ZFHX3: variants seen among roughly 807,000 people sequenced by gnomAD.
The protein encoded by ZFHX3 is zinc finger homeobox 3, also known as zinc finger homeobox protein 3.
A neutral mutation model predicts 279.1 loss-of-function variants in ZFHX3; 42 were observed. The observed-to-expected ratio is 0.15, with a 90% CI of 0.12 to 0.19. The LOEUF (loss-of-function observed/expected upper bound fraction) is 0.19, where lower values mean the gene tolerates loss of function less well. Among genes scored for constraint, ZFHX3 ranks in the 10% least tolerant of loss-of-function variants. The probability of loss-of-function intolerance (pLI) is 1.00; values close to 1 mark genes in which losing one functional copy is unlikely to be tolerated. For synonymous variants in ZFHX3, 2,293 were observed against 1,957.8 expected (o/e 1.17, Z -4.52); for missense variants, 4,981 against 4,754.0 (o/e 1.05, Z -1.40).
chr16:73,771,177 G>C (rs1046188721), intron 1 of ZFHX3, among the ~76,000 whole-genome samples: 1 of 152,174 alleles, frequency 6.6e-6, no homozygotes, highest in Non-Finnish European at 1.5e-5. Flanking sequence ...AAACAGGCAA[G>C]GGGTGAATTC....
intron 6 of ZFHX3, among the ~76,000 whole-genome samples, chr16:73,142,083 G>A (rs1966849074): frequency 6.6e-6 from 1 of 152,134 alleles, no homozygotes; most frequent in Non-Finnish European, 1.5e-5. Flanking sequence ...CACCTCCAGA[G>A]CATTAGCTCA....
chr16:72,874,292 C>T (rs928077002), intron 4 of ZFHX3, among the ~76,000 whole-genome samples: 11 of 148,402 alleles, frequency 7.4e-5, no homozygotes, highest in African/African-American at 1.8e-4. Flanking sequence ...CTGCAAACTC[C>T]GCCTCCCGGG....
intron 5 of ZFHX3, among the ~76,000 whole-genome samples, chr16:73,191,888 G>A (rs570446368): frequency 2.0e-5 from 3 of 152,162 alleles, no homozygotes; most frequent in African/African-American, 7.2e-5. Context: ...GTGCAAACAC[G>A]CTTTAGTGGA....
intron 3 of ZFHX3, among the ~76,000 whole-genome samples, chr16:72,923,182 G>A (rs1437263414): frequency 6.6e-6 from 1 of 152,140 alleles, no homozygotes; most frequent in African/African-American, 2.4e-5. Flanking sequence ...GCTCATGCCT[G>A]TAATCCTAGC....
intron 4 of ZFHX3, among the ~76,000 whole-genome samples, chr16:73,305,873 G>T (rs998524897): frequency 6.6e-6 from 1 of 152,174 alleles, no homozygotes; most frequent in Admixed American, 6.5e-5. Context: ...GGCAGGAAAA[G>T]CACATAGGCC....
chr16:73,650,874 G>C (rs958295480), intron 2 of ZFHX3, among the ~76,000 whole-genome samples: 3 of 152,090 alleles, frequency 2.0e-5, no homozygotes, highest in Non-Finnish European at 4.4e-5. Context: ...AAAAAGAAAT[G>C]CAAGTATGTT....
At chr16:73,633,931 T>G (rs1289144062) in intron 2 of ZFHX3, among the ~76,000 whole-genome samples, 1 of 151,474 alleles carries the variant, frequency 6.6e-6, no homozygotes, top group Admixed American at 6.6e-5. Flanking sequence ...AGCAGTGATG[T>G]TTGGCAAAGT....
At chr16:72,864,436 CTCT>C (rs2037963529) in intron 4 of ZFHX3, among the ~76,000 whole-genome samples, 2 of 148,632 alleles carry the variant, frequency 1.3e-5, no homozygotes, top group Non-Finnish European at 3.0e-5. Flanking sequence ...GCGTCGTGCT[CTCT>C]TGTCTTTGTA....
At chr16:73,788,820 A>G (rs1959737852) in intron 1 of ZFHX3, among the ~76,000 whole-genome samples, 1 of 151,424 alleles carries the variant, frequency 6.6e-6, no homozygotes, top group Admixed American at 6.6e-5. Context: ...TAAAAATGCA[A>G]AAAATTAGCT....
At chr16:73,587,681 A>G (rs1372071810) in intron 2 of ZFHX3, among the ~76,000 whole-genome samples, 7 of 152,216 alleles carry the variant, frequency 4.6e-5, no homozygotes, top group African/African-American at 1.7e-4. Flanking sequence ...GCACTTTCCA[A>G]TAAAGAAAAC....
chr16:72,784,311 T>A lies in ZFHX3; in HGVS notation c.*2853A>T. The A allele has an allele frequency of 7.0e-6, 1 of 143,048 alleles. No individual in the cohort carries two copies. Among genetic ancestry groups the A allele is most frequent in the South Asian group, 2.3e-4 (1 of 4,408 alleles). 8.9% of individuals were successfully genotyped at this position (143,048 alleles called of 1,614,324 possible). The stretch of plus-strand genomic sequence containing the variant: ...AACCATCAGGGAGGGGGCAGCAAAA[T>A]TATAAAGAAAAGAACTTAAAAGTTG... On this transcript the variant is annotated 3_prime_UTR_variant, in exon 10 of 10. Coordinates refer to ENST00000268489, the MANE Select transcript of ZFHX3 (RefSeq NM_006885.4).
intron 3 of ZFHX3, among the ~76,000 whole-genome samples, chr16:72,925,496 G>A (rs895051314): frequency 2.6e-5 from 4 of 152,222 alleles, no homozygotes; most frequent in Non-Finnish European, 4.4e-5. Flanking sequence ...CCCAACCACC[G>A]CAGCAATGCT....
intron 2 of ZFHX3, among the ~76,000 whole-genome samples, chr16:73,547,558 TG>T (rs35159047): frequency 3.9e-5 from 6 of 152,010 alleles, no homozygotes; most frequent in Admixed American, 6.6e-5. Context: ...CAACCATGGA[TG>T]GGGGGGTTTG....
rs569597577 is a variant in ZFHX3 at position 73,054,024 on chromosome 16, G to T, written c.-24+4506C>A. On this transcript the variant is annotated intron_variant, in intron 1 of 8. Coordinates refer to the ZFHX3 transcript ENST00000397992. ...TGACAGTTACCATGGAGGGAGGGGGGAGGAAAGGGGCTGAAGGGAAGATGA... is the reference window on the plus strand; with the variant it reads ...TGACAGTTACCATGGAGGGAGGGGGTAGGAAAGGGGCTGAAGGGAAGATGA... Among the ~76,000 whole-genome samples the T allele has an allele frequency of 1.4e-4, 21 of 150,632 alleles. No homozygotes were observed. In the East Asian group the frequency reaches 4.2e-3, roughly 30 times the overall value.
At chr16:73,699,671 A>C (rs956538506) in intron 1 of ZFHX3, among the ~76,000 whole-genome samples, 2 of 152,182 alleles carry the variant, frequency 1.3e-5, no homozygotes, top group African/African-American at 4.8e-5. Flanking sequence ...AACCCTATGA[A>C]GCTGACACTG....
At chr16:73,142,100 G>A (rs890421761) in intron 6 of ZFHX3, among the ~76,000 whole-genome samples, 13 of 152,064 alleles carry the variant, frequency 8.5e-5, no homozygotes, top group African/African-American at 2.4e-4. Context: ...CTCAAACATG[G>A]TCCCTCCCTT....
chr16:73,649,922 G>A (rs1362244395), intron 2 of ZFHX3, among the ~76,000 whole-genome samples: 1 of 152,186 alleles, frequency 6.6e-6, no homozygotes, highest in Non-Finnish European at 1.5e-5. Flanking sequence ...CACTGGTGTG[G>A]TTCAGATAGA....
intron 2 of ZFHX3, among the ~76,000 whole-genome samples, chr16:73,612,770 A>C (rs1304373982): frequency 6.6e-6 from 1 of 152,210 alleles, no homozygotes; most frequent in Non-Finnish European, 1.5e-5. Flanking sequence ...TAGTGCCAAT[A>C]TTTGCAAATA....
chr16:73,639,430 C>A (rs1377034021), intron 2 of ZFHX3, among the ~76,000 whole-genome samples: 1 of 152,058 alleles, frequency 6.6e-6, no homozygotes, highest in East Asian at 1.9e-4. Context: ...TTACAGTAGC[C>A]CCATAAGGTT....
Sources: allele counts gnomAD v4.1 joint callset (sites outside exome capture counted in the v4.1 genomes callset), GRCh38; gene constraint gnomAD v4.1.1; transcripts MANE v1.5; gene names NCBI Gene and HGNC (gene_info 2026-07-23, HGNC 2026-07-21).